IGSF5: variants seen among roughly 807,000 people sequenced by gnomAD.
The protein encoded by IGSF5 is immunoglobulin superfamily 5 like.
IGSF5 carries 41 observed loss-of-function variants against 39.4 expected under a neutral mutation model. That is an observed-to-expected ratio of 1.04 (90% CI 0.81 to 1.35). The LOEUF (loss-of-function observed/expected upper bound fraction) is 1.35, where lower values mean the gene tolerates loss of function less well. IGSF5 is among the 40% of genes most tolerant of loss of function. The pLI is 0.00. For synonymous variants in IGSF5, 183 were observed against 175.3 expected (o/e 1.04, Z -0.34); for missense variants, 487 against 494.6 (o/e 0.98, Z 0.15).
chr21:39,772,352 C>T (rs538057112), intron 4 of IGSF5, among the ~76,000 whole-genome samples: 25 of 152,314 alleles, frequency 1.6e-4, no homozygotes, highest in Admixed American at 1.5e-3. Flanking sequence ...CACCTGGCAA[C>T]TCTGCCCACC....
chr21:39,767,251 C>T (rs1167530024), intron 3 of IGSF5, among the ~76,000 whole-genome samples: 1 of 152,192 alleles, frequency 6.6e-6, no homozygotes, highest in African/African-American at 2.4e-5. Flanking sequence ...ATTTCTTCAT[C>T]TTTAACCTGG....
the IGSF5 span, among the ~76,000 whole-genome samples, chr21:39,721,684 TTCCTTCCTTCC>T: frequency 2.8e-5 from 2 of 71,420 alleles, no homozygotes; most frequent in Non-Finnish European, 6.6e-5. Context: ...CCTTCCTTCC[TTCCTTCCTTCC>T]TTCCTTCCTT....
At chr21:39,731,914 CTG>C in the IGSF5 span, among the ~76,000 whole-genome samples, 2 of 152,230 alleles carry the variant, frequency 1.3e-5, no homozygotes, top group Non-Finnish European at 2.9e-5. Flanking sequence ...TAGAGTGACA[CTG>C]TGCCCAATTC....
Position 39,793,481 on chromosome 21 carries a change from A to G in IGSF5, c.1049-53A>G, listed in dbSNP as rs567662318. 17 of 1,341,886 alleles carry G rather than the reference A, an allele frequency of 1.3e-5. No individual in the cohort carries two copies. The African/African-American group carries it at 2.0e-4, about 16-fold the overall frequency. The allele number at this position is 1,341,886 out of a possible 1,614,324, so 83.1% of individuals were successfully genotyped here. ...CTTTATAAATCAGAATTGTTAGAGC[A>G]CACAGCTTGGTTTTTGCCACTTAAT... On this transcript the variant is annotated intron_variant, in intron 7 of 8. Coordinates refer to ENST00000380588, the MANE Select transcript of IGSF5 (RefSeq NM_001080444.2).
At chr21:39,784,894 G>T (rs1008103620) in intron 5 of IGSF5, among the ~76,000 whole-genome samples, 3 of 151,936 alleles carry the variant, frequency 2.0e-5, no homozygotes, top group Admixed American at 2.0e-4. Context: ...GACCACATAG[G>T]AATGGCTGAG....
the IGSF5 span, among the ~76,000 whole-genome samples, chr21:39,738,417 G>A: frequency 6.6e-6 from 1 of 152,170 alleles, no homozygotes; most frequent in African/African-American, 2.4e-5. This position sits in a 1 kb window ranked among gnomAD's most constrained non-coding sequence, Gnocchi z 6.4. Context: ...AATTAACGGA[G>A]CTACAGTTCA....
the IGSF5 span, among the ~76,000 whole-genome samples, chr21:39,738,857 C>T: frequency 4.6e-5 from 7 of 151,774 alleles, no homozygotes; most frequent in Non-Finnish European, 7.4e-5. The surrounding 1 kb of genome is among the most constrained non-coding windows in gnomAD (Gnocchi z 6.4). Context: ...GAAATTTATG[C>T]CCTCCTCTCT....
intron 2 of IGSF5, among the ~76,000 whole-genome samples, chr21:39,751,666 A>T (rs1025095479): frequency 6.6e-6 from 1 of 152,232 alleles, no homozygotes; most frequent in Non-Finnish European, 1.5e-5. Flanking sequence ...AGTTTTTAAA[A>T]AAACTTTTAC....
intron 5 of IGSF5, 139 bp downstream of exon 5, chr21:39,779,444 A>C: frequency 8.8e-7 from 1 of 1,134,782 alleles, no homozygotes; most frequent in East Asian, 2.4e-5. Context: ...CTGTGGTTGC[A>C]CACTGTTGGT....
intron 5 of IGSF5, among the ~76,000 whole-genome samples, chr21:39,787,547 A>G (rs2086929716): frequency 8.3e-6 from 1 of 120,632 alleles, no homozygotes; most frequent in East Asian, 2.7e-4. Context: ...CAATTTAATG[A>G]CAGTGTTTTT....
chr21:39,759,529 G>T (rs1424047613), intron 2 of IGSF5, among the ~76,000 whole-genome samples: 2 of 152,058 alleles, frequency 1.3e-5, no homozygotes, highest in African/African-American at 4.8e-5. Flanking sequence ...GGTGGGCAGT[G>T]GATGAACTCT....
At chr21:39,741,226 T>C (rs1182812999), upstream of IGSF5, among the ~76,000 whole-genome samples, 1 of 152,226 alleles carries the variant, frequency 6.6e-6, no homozygotes, top group Non-Finnish European at 1.5e-5. Context: ...GGTGTCCATC[T>C]TACTAAATGG....
In IGSF5 at chr21:39,746,303, G is replaced by A. The variant is rs2079974478; in HGVS notation, c.100+5G>A. On this transcript the variant is annotated splice_donor_5th_base_variant and intron_variant, in intron 2 of 8. Coordinates refer to ENST00000380588, the MANE Select transcript of IGSF5 (RefSeq NM_001080444.2). ...GGCAAACAGCAGTGGTGGACGGTGA[G>A]TGAAAGCTCAGCTCGAGCCGTAACA... 1 of 700,604 alleles carries A rather than the reference G, an allele frequency of 1.4e-6. No homozygotes were observed. Among genetic ancestry groups the A allele is most frequent in the Admixed American group, 2.0e-5 (1 of 49,908 alleles). The allele number at this position is 700,604 out of a possible 1,614,324, so 43.4% of individuals were successfully genotyped here.
chr21:39,794,421 G>T (rs557417276), intron 8 of IGSF5, among the ~76,000 whole-genome samples: 3 of 152,170 alleles, frequency 2.0e-5, no homozygotes, highest in Non-Finnish European at 2.9e-5. Flanking sequence ...GCAATGTTTC[G>T]ATGGGAGCTG....
intron 3 of IGSF5, among the ~76,000 whole-genome samples, chr21:39,766,548 C>G (rs2080088252): frequency 6.6e-6 from 1 of 152,090 alleles, no homozygotes; most frequent in Non-Finnish European, 1.5e-5. Flanking sequence ...TCATTATAGT[C>G]AAAGTTGTGT....
chr21:39,758,885 A>G (rs2080046586), intron 2 of IGSF5, among the ~76,000 whole-genome samples: 7 of 152,138 alleles, frequency 4.6e-5, no homozygotes. Flanking sequence ...CATTTATTTG[A>G]AGAATAATAG....
chr21:39,796,955 G>A (rs1287581591), intron 8 of IGSF5, among the ~76,000 whole-genome samples: 1 of 152,156 alleles, frequency 6.6e-6, no homozygotes, highest in Non-Finnish European at 1.5e-5. Flanking sequence ...TGAACAGGAC[G>A]GCAACTGCTG....
chr21:39,724,123 A>C, the IGSF5 span, among the ~76,000 whole-genome samples: 2 of 119,466 alleles, frequency 1.7e-5, no homozygotes, highest in African/African-American at 3.0e-5. Flanking sequence ...AAAATAAAAT[A>C]AAATAAAATG....
the IGSF5 span, among the ~76,000 whole-genome samples, chr21:39,717,626 A>G: frequency 1.3e-5 from 2 of 152,050 alleles, no homozygotes; most frequent in East Asian, 1.9e-4. Flanking sequence ...GCTTTTGTCA[A>G]CTTTGTCAAA....
Sources: allele counts gnomAD v4.1 joint callset (sites outside exome capture counted in the v4.1 genomes callset), GRCh38; gene constraint gnomAD v4.1.1; non-coding constraint Gnocchi (gnomAD v3.1); transcripts MANE v1.5; gene names NCBI Gene and HGNC (gene_info 2026-07-23, HGNC 2026-07-21).